The following PLCB1 variants were observed in gnomAD, a reference collection of about 807,000 sequenced individuals.
The protein encoded by PLCB1 is phospholipase C beta 1.
A neutral mutation model predicts 161.8 loss-of-function variants in PLCB1; 46 were observed. The observed-to-expected ratio is 0.28, with a 90% confidence interval of 0.22 to 0.36. PLCB1 has a LOEUF of 0.36. Ranked by LOEUF, PLCB1 falls within the 10% of genes least tolerant of loss-of-function variation. The pLI, the probability that PLCB1 is intolerant of heterozygous loss-of-function variation, is 1.00. For missense variants in PLCB1, 1,016 were observed against 1,472.5 expected (o/e 0.69, Z 5.07); for synonymous variants, 517 against 503.7 (o/e 1.03, Z -0.35).
At chr20:8,139,284 G>A (rs1024552289) in intron 1 of PLCB1, among the ~76,000 whole-genome samples, 15 of 151,764 alleles carry the variant, frequency 9.9e-5, no homozygotes, top group Admixed American at 7.9e-4. Context: ...TAGTAGAGAC[G>A]GGGGTTTTGC....
At chr20:8,205,541 T>C (rs73897303) in intron 2 of PLCB1, among the ~76,000 whole-genome samples, 2,266 of 152,230 alleles carry the variant, frequency 0.015, 52 homozygotes, top group African/African-American at 0.05. Context: ...GGGGAAACAA[T>C]AGTTTAGAAC....
intron 12 of PLCB1, among the ~76,000 whole-genome samples, chr20:8,715,511 G>A (rs888917737): frequency 6.6e-6 from 1 of 152,180 alleles, no homozygotes; most frequent in Non-Finnish European, 1.5e-5. Flanking sequence ...GACCCAGAGT[G>A]GTTCAGACCC....
chr20:8,535,492 A>G (rs1162097788), intron 3 of PLCB1, among the ~76,000 whole-genome samples: 1 of 152,150 alleles, frequency 6.6e-6, no homozygotes, highest in Non-Finnish European at 1.5e-5. Flanking sequence ...ATAAACTCAC[A>G]TGCATGAAAA....
At chr20:8,628,628 T>A (rs1988431208) in intron 4 of PLCB1, 197 bp downstream of exon 4, 3 of 583,590 alleles carry the variant, frequency 5.1e-6, no homozygotes, top group Non-Finnish European at 8.8e-6. Flanking sequence ...TTATGGAGAT[T>A]TTTTTCATAA....
chr20:8,438,338 C>T (rs1220949034), intron 3 of PLCB1, among the ~76,000 whole-genome samples: 2 of 152,074 alleles, frequency 1.3e-5, no homozygotes, highest in African/African-American at 4.8e-5. Flanking sequence ...ACATAATATA[C>T]TTTTTATAAC....
intron 3 of PLCB1, among the ~76,000 whole-genome samples, chr20:8,485,840 G>A (rs1186638280): frequency 2.0e-5 from 3 of 152,158 alleles, no homozygotes; most frequent in African/African-American, 7.2e-5. Flanking sequence ...GGTCTACAGA[G>A]GTATGGAAAC....
At chr20:8,758,379 A>G (rs1981847492) in intron 24 of PLCB1, among the ~76,000 whole-genome samples, 1 of 152,014 alleles carries the variant, frequency 6.6e-6, no homozygotes, top group African/African-American at 2.4e-5. Flanking sequence ...TCAGCAGTTC[A>G]GGACCAACCT....
At chr20:8,257,903 T>G (rs1240280029) in intron 2 of PLCB1, among the ~76,000 whole-genome samples, 1 of 152,156 alleles carries the variant, frequency 6.6e-6, no homozygotes, top group Non-Finnish European at 1.5e-5. Flanking sequence ...GATGCACAGA[T>G]AGTGATGCCA....
At chr20:8,612,115 C>T (rs769371446) in intron 3 of PLCB1, among the ~76,000 whole-genome samples, 4 of 152,092 alleles carry the variant, frequency 2.6e-5, no homozygotes, top group Non-Finnish European at 5.9e-5. Context: ...ACGTATTTTC[C>T]TCTTCTACCA....
intron 3 of PLCB1, among the ~76,000 whole-genome samples, chr20:8,444,245 T>G (rs918361497): frequency 6.7e-6 from 1 of 149,442 alleles, no homozygotes; most frequent in Non-Finnish European, 1.5e-5. Flanking sequence ...TGTCTCCAAG[T>G]TTTCTCATTG....
Position 8,774,620 on chromosome 20 carries a change from G to A in PLCB1, c.3012G>A (p.Lys1004=). Residue 1004 remains lysine, a synonymous_variant, in exon 27 of 32, where the codon AAG becomes AAA. Transcript: ENST00000338037. ...CTCTGGATGCTGAAATGACCCAAAAGTTAATAGACTTGAAGGACAAACAAC... is the reference window on the plus strand; with the variant it reads ...CTCTGGATGCTGAAATGACCCAAAAATTAATAGACTTGAAGGACAAACAAC... ...LAALDAEMTQ[K]LIDLKDKQQQ... is the part of the protein sequence containing the mutation. The A allele has an allele frequency of 6.2e-7, 1 of 1,613,986 alleles. No individual in the cohort carries two copies.
Position 8,658,657 on chromosome 20 carries a change from A to G in PLCB1, c.815A>G (p.Gln272Arg). The change falls in exon 9 of 32, where the codon CAA becomes CGA. Residue 272 changes from glutamine to arginine, a missense_variant. This residue lies in a region of PLCB1 where 117 missense variants were observed against 142.2 expected (regional missense o/e 0.82). Coordinates refer to ENST00000338037, the MANE Select transcript of PLCB1 (RefSeq NM_015192.4). Reference sequence around the variant, plus strand: ...CCACCTCTAAAACAAGAGCAAGTCCAAGTATTGATTGAGAAGTATGAACCC... The same window carrying G: ...CCACCTCTAAAACAAGAGCAAGTCCGAGTATTGATTGAGAAGTATGAACCC... ...LYPPLKQEQV[Q>R]VLIEKYEPNN... is the part of the protein sequence containing the mutation. 1.2e-6 allele frequency: 2 copies of G among 1,612,688 alleles called. No individual in the cohort carries two copies. Among genetic ancestry groups the G allele is most frequent in the Non-Finnish European group, 1.7e-6 (2 of 1,179,356 alleles).
At chr20:8,513,465 G>A (rs1220128536) in intron 3 of PLCB1, among the ~76,000 whole-genome samples, 1 of 152,168 alleles carries the variant, frequency 6.6e-6, no homozygotes, top group African/African-American at 2.4e-5. Context: ...TATTTTTACA[G>A]TATAAACAAT....
At chr20:8,594,544 C>T (rs1299813569) in intron 3 of PLCB1, among the ~76,000 whole-genome samples, 2 of 151,480 alleles carry the variant, frequency 1.3e-5, no homozygotes, top group Admixed American at 6.6e-5. Context: ...GTCCACAAAC[C>T]ACATTTTGAG....
At chr20:8,415,623 T>C (rs1430397388) in intron 3 of PLCB1, among the ~76,000 whole-genome samples, 1 of 152,182 alleles carries the variant, frequency 6.6e-6, no homozygotes, top group Admixed American at 6.5e-5. Context: ...TCAACCCCTC[T>C]TGGGGCCATC....
intron 2 of PLCB1, among the ~76,000 whole-genome samples, chr20:8,312,536 G>A (rs1396200410): frequency 6.6e-6 from 1 of 152,120 alleles, no homozygotes; most frequent in Non-Finnish European, 1.5e-5. Context: ...CTATGTTAAT[G>A]TTTTGCCTGC....
intron 3 of PLCB1, among the ~76,000 whole-genome samples, chr20:8,520,585 A>C (rs571650950): frequency 1.3e-5 from 2 of 152,226 alleles, no homozygotes; most frequent in Non-Finnish European, 2.9e-5. Context: ...GAACTTTAAC[A>C]AATATACAAA....
At chr20:8,816,036 A>T (rs1395638878) in intron 31 of PLCB1, among the ~76,000 whole-genome samples, 1 of 152,220 alleles carries the variant, frequency 6.6e-6, no homozygotes, top group Non-Finnish European at 1.5e-5. Flanking sequence ...GAGAAAAGTA[A>T]AACAGTGGCA....
chr20:8,546,781 T>C (rs1435858360), intron 3 of PLCB1, among the ~76,000 whole-genome samples: 2 of 149,274 alleles, frequency 1.3e-5, no homozygotes, highest in Non-Finnish European at 3.0e-5. Flanking sequence ...ACTAGTATCA[T>C]AAACCCTCTT....
Sources: gnomAD v4.1 joint callset for allele counts (sites outside exome capture counted in the v4.1 genomes callset) on GRCh38, gnomAD v4.1.1 for gene constraint, gnomAD v4.1.1 regional missense constraint, MANE v1.5 for transcripts, NCBI Gene and HGNC (gene_info 2026-07-23, HGNC 2026-07-21) for gene names.